The following CCDC85C variants were observed in gnomAD, a reference collection of about 807,000 sequenced individuals.
CCDC85C encodes coiled-coil domain containing 85C.
Under a neutral mutation model 38.3 loss-of-function variants are expected in CCDC85C, and 18 were observed. The observed-to-expected ratio is 0.47, with a 90% confidence interval of 0.33 to 0.70. The LOEUF is 0.70. Among genes scored for constraint, CCDC85C ranks in the 30% least tolerant of loss-of-function variants. CCDC85C has a pLI of 0.03. For synonymous variants in CCDC85C, 264 were observed against 293.8 expected (o/e 0.90, Z 1.04); for missense variants, 566 against 621.2 (o/e 0.91, Z 0.94).
rs553677650 is a variant in CCDC85C, at chr14:99,558,446, C to A, written c.794-22358G>T. 9.3e-4 allele frequency among the ~76,000 whole-genome samples: 141 copies of A among 152,258 alleles called. 1 individual carries two copies. Among genetic ancestry groups the A allele is most frequent in the South Asian group, 5.2e-3 (25 of 4,818 alleles). On this transcript the variant is annotated intron_variant, in intron 1 of 5. Transcript: ENST00000380243. This position sits in a 1 kb window ranked among gnomAD's most constrained non-coding sequence, Gnocchi z 4.2. ...AACCAGCCTGGCCAACATGGTGAAA[C>A]CCCACCTCTACTAAAAATACAAAAA...
At chr14:99,542,721 G>A (rs1411331889) in intron 1 of CCDC85C, among the ~76,000 whole-genome samples, 1 of 152,206 alleles carries the variant, frequency 6.6e-6, no homozygotes, top group East Asian at 1.9e-4. Context: ...CTCCTACCCA[G>A]CAGGCACTAA....
At position 99,504,030 on chromosome 14, in the gene CCDC85C, G is replaced by A; in HGVS notation, c.*11216C>T. The A allele has an allele frequency of 5.4e-6, 2 of 368,040 alleles. No homozygotes were observed. The highest frequency in any genetic ancestry group is 2.2e-5 in the African/African-American group (1 of 46,450). The allele number at this position is 368,040 out of a possible 1,614,324, so 22.8% of individuals were successfully genotyped here. A position where few individuals can be genotyped will look rare whatever the true frequency, so the allele number is the denominator to read the frequency against. ...GCGGGGGGGCAGTAGGGGGTGGTGT[G>A]CTGCCCGGACAGCACCAGCCCGGCC... On this transcript the variant is annotated 3_prime_UTR_variant, in exon 6 of 6. Transcript: ENST00000380243.
At chr14:99,522,453 A>G (rs2400682) in intron 2 of CCDC85C, 471,348 of 501,904 alleles carry the variant, frequency 0.94, 224,708 homozygotes, top group East Asian at 1. Flanking sequence ...CCACTCTCCA[A>G]CGTGGGCTTT....
At position 99,503,802 on chromosome 14, in the gene CCDC85C, C is replaced by T; in HGVS notation, c.*11444G>A. ...CCATCAGCATTGTCTTTCTGTTCAT[C>T]ACCTGATCATAGATTCTAAAATTGT... On this transcript the variant is annotated 3_prime_UTR_variant, in exon 6 of 6. Transcript: ENST00000380243. 3.2e-6 allele frequency: 2 copies of T among 623,506 alleles called. No homozygotes were observed. The highest frequency in any genetic ancestry group is 5.5e-5 in the East Asian group (2 of 36,218). 38.6% of individuals were successfully genotyped at this position (623,506 alleles called of 1,614,324 possible). A position where few individuals can be genotyped will look rare whatever the true frequency, so the allele number is the denominator to read the frequency against.
chr14:99,510,400 A>G lies in CCDC85C; in HGVS notation c.*4846T>C. ...AGCCTGCAGTCCATGATGAAGACCG[A>G]GGGACCCTCCTACGGTGCCCTGCCC... On this transcript the variant is annotated 3_prime_UTR_variant, in exon 6 of 6. Transcript: ENST00000380243. 1.3e-6 allele frequency: 2 copies of G among 1,560,632 alleles called. No individual in the cohort carries two copies. Among genetic ancestry groups the G allele is most frequent in the Non-Finnish European group, 1.7e-6 (2 of 1,154,406 alleles).
chr14:99,595,630 G>T (rs1729125705), intron 1 of CCDC85C, among the ~76,000 whole-genome samples: 1 of 152,210 alleles, frequency 6.6e-6, no homozygotes, highest in African/African-American at 2.4e-5. Context: ...CACCTGAAGA[G>T]GTTAAGAGCC....
At chr14:99,549,834 C>T (rs1252498538) in intron 1 of CCDC85C, among the ~76,000 whole-genome samples, 1 of 152,230 alleles carries the variant, frequency 6.6e-6, no homozygotes, top group Non-Finnish European at 1.5e-5. Context: ...ACACATTCTT[C>T]CAGCCGTGGA....
chr14:99,591,129 G>A (rs1282930112), intron 1 of CCDC85C, among the ~76,000 whole-genome samples: 1 of 152,180 alleles, frequency 6.6e-6, no homozygotes, highest in Non-Finnish European at 1.5e-5. Context: ...GGGGTGCCTC[G>A]CTGGCCGATG....
chr14:99,580,256 A>C, intron 1 of CCDC85C: 1 of 398,216 alleles, frequency 2.5e-6, no homozygotes, highest in Non-Finnish European at 5.0e-6. Flanking sequence ...ACAGTGGGTG[A>C]CAGACCAGCT....
In CCDC85C at chr14:99,510,335, G is replaced by A; in HGVS notation, c.*4911C>T. 6.6e-7 allele frequency: 1 copy of A among 1,522,968 alleles called. No individual in the cohort carries two copies. The highest frequency in any genetic ancestry group is 9.0e-7 in the Non-Finnish European group (1 of 1,112,010). The allele number at this position is 1,522,968 out of a possible 1,614,324, so 94.3% of individuals were successfully genotyped here. A position where few individuals can be genotyped will look rare whatever the true frequency, so the allele number is the denominator to read the frequency against. ...CCCCCTCCAGCTACATGACCGGGAT[G>A]TCCACCACCAGCTCCTACATGTCTG... On this transcript the variant is annotated 3_prime_UTR_variant, in exon 6 of 6. Transcript: ENST00000380243.
At chr14:99,567,398 G>A (rs1385113316) in intron 1 of CCDC85C, among the ~76,000 whole-genome samples, 1 of 152,206 alleles carries the variant, frequency 6.6e-6, no homozygotes, top group Admixed American at 6.5e-5. Flanking sequence ...ACAACCAGGG[G>A]AGGCATGGTG....
rs565193914 is a variant in CCDC85C, at chr14:99,500,265, A to T, written c.*14981T>A. ...TGATTTGCCCCCATTTGCACGTAAT[A>T]CACTATATGTGTACATGAGTATATA... On this transcript the variant is annotated 3_prime_UTR_variant, in exon 6 of 6. Coordinates refer to ENST00000380243, the MANE Select transcript of CCDC85C (RefSeq NM_001144995.2). 6.6e-6 allele frequency: 1 copy of T among 152,582 alleles called. No homozygotes were observed. Among genetic ancestry groups the T allele is most frequent in the African/African-American group, 2.4e-5 (1 of 41,466 alleles). The allele number at this position is 152,582 out of a possible 1,614,324, so 9.5% of individuals were successfully genotyped here.
chr14:99,600,254 T>C (rs1355998844), intron 1 of CCDC85C, among the ~76,000 whole-genome samples: 1 of 132,662 alleles, frequency 7.5e-6, no homozygotes, highest in East Asian at 2.2e-4. Context: ...CTGACCTCAC[T>C]CAACCTTGTG....
At chr14:99,600,717 G>A (rs897414222) in intron 1 of CCDC85C, among the ~76,000 whole-genome samples, 12 of 152,354 alleles carry the variant, frequency 7.9e-5, no homozygotes, top group African/African-American at 2.6e-4. Context: ...CTTCCCCAGG[G>A]TTCCTGTGAG....
chr14:99,572,057 T>C lies in CCDC85C; in HGVS notation c.793+31110A>G, dbSNP rs2021921. On this transcript the variant is annotated intron_variant, in intron 1 of 5. Transcript: ENST00000380243. The surrounding 1 kb of genome is among the most constrained non-coding windows in gnomAD (Gnocchi z 4.4). ...TTCCACGGGGCATCTCAGAGCGTGA[T>C]CCCCAGAGCCCCCAACCCTAACCCA... is the stretch of plus-strand genomic sequence containing the variant. Among the ~76,000 whole-genome samples, 118,874 of 152,032 alleles carry C rather than the reference T, an allele frequency of 0.78. 46,644 individuals are homozygous for C. The highest frequency in any genetic ancestry group is 0.85 in the South Asian group (4,080 of 4,818).
chr14:99,543,205 G>A (rs1297913318), intron 1 of CCDC85C, among the ~76,000 whole-genome samples: 1 of 152,148 alleles, frequency 6.6e-6, no homozygotes, highest in African/African-American at 2.4e-5. Context: ...TATGGCAAAG[G>A]AAGCTGCTTA....
At position 99,585,412 on chromosome 14, in the gene CCDC85C, C is replaced by T. The variant is rs8015386; in HGVS notation, c.793+17755G>A. ...GAGCCAGAGTGTAGGGTCAAACCCC[C>T]GCTCTGCCGCTTCCTCCACTGGGAC... On this transcript the variant is annotated intron_variant, in intron 1 of 5. Coordinates refer to ENST00000380243, the MANE Select transcript of CCDC85C (RefSeq NM_001144995.2). Among the ~76,000 whole-genome samples, 3 of 152,190 alleles carry T rather than the reference C, an allele frequency of 2.0e-5. No homozygotes were observed. The East Asian group carries it at 5.8e-4, about 30-fold the overall frequency.
rs1043070842 is a variant in CCDC85C at position 99,500,536 on chromosome 14, G to T, written c.*14710C>A. On this transcript the variant is annotated 3_prime_UTR_variant, in exon 6 of 6. Coordinates refer to ENST00000380243, the MANE Select transcript of CCDC85C (RefSeq NM_001144995.2). ...TATTTTTAAGGATCTTTTGTTTTCA[G>T]TATTTTTTTTTACATTACACCTCTG... 1.1e-5 allele frequency: 5 copies of T among 462,186 alleles called. No homozygotes were observed. Among genetic ancestry groups the T allele is most frequent in the Admixed American group, 8.0e-5 (2 of 25,078 alleles). 28.6% of individuals were successfully genotyped at this position (462,186 alleles called of 1,614,324 possible).
At chr14:99,575,875 G>A (rs927005972) in intron 1 of CCDC85C, among the ~76,000 whole-genome samples, 13 of 152,278 alleles carry the variant, frequency 8.5e-5, no homozygotes, top group South Asian at 4.1e-4. Flanking sequence ...CCCACAGACC[G>A]CCTGTGGTTC....
Sources: allele counts gnomAD v4.1 joint callset (sites outside exome capture counted in the v4.1 genomes callset), GRCh38; gene constraint gnomAD v4.1.1; non-coding constraint Gnocchi (gnomAD v3.1); transcripts MANE v1.5; gene names NCBI Gene and HGNC (gene_info 2026-07-23, HGNC 2026-07-21).